The following ARHGAP29 variants were observed in gnomAD, a reference collection of about 807,000 sequenced individuals.
ARHGAP29 encodes rho GTPase-activating protein 29.
Under a neutral mutation model 122.6 loss-of-function variants are expected in ARHGAP29, and 43 were observed. The ratio of observed to expected loss-of-function variants is 0.35; its 90% CI spans 0.27 to 0.45. ARHGAP29 has a LOEUF of 0.45. Ranked by LOEUF, ARHGAP29 falls within the 20% of genes least tolerant of loss-of-function variation. The pLI is 1.00. For missense variants in ARHGAP29, 1,303 were observed against 1,477.2 expected (o/e 0.88, Z 1.93); for synonymous variants, 506 against 497.1 (o/e 1.02, Z -0.24).
At chr1:94,209,193 G>T in intron 4 of ARHGAP29, 61 bp downstream of exon 4, 2 of 1,201,328 alleles carry the variant, frequency 1.7e-6, no homozygotes, top group Non-Finnish European at 2.4e-6. Context: ...ACTGGATAAT[G>T]CAACATACTC....
At chr1:94,265,303 G>A (rs552985823) in intron 1 of ARHGAP29, among the ~76,000 whole-genome samples, 2 of 152,338 alleles carry the variant, frequency 1.3e-5, no homozygotes, top group East Asian at 1.9e-4. Context: ...CCTGTGAGCT[G>A]AATCTATAAG....
chr1:94,261,803 C>A (rs1251703805), intron 1 of ARHGAP29, among the ~76,000 whole-genome samples: 2 of 152,112 alleles, frequency 1.3e-5, no homozygotes, highest in Non-Finnish European at 2.9e-5. Context: ...TAAGAAGAAT[C>A]AAAATCATTA....
Position 94,178,023 on chromosome 1 carries a change from T to C in ARHGAP29, c.2625A>G (p.Val875=), listed in dbSNP as rs1325241884. The part of the protein sequence containing the change: ...LAEYSNQARL[V]EFLITYSQKI... ...TCTGTGAGTAAGTAATGAGAAACTC[T>C]ACCAAGCGTGCTTGATTTGAATACT... The change falls in exon 21 of 23, where the codon GTA becomes GTG. Residue 875 remains valine, a synonymous_variant. Transcript: ENST00000260526. The C allele has an allele frequency of 2.5e-6, 4 of 1,614,076 alleles. No individual in the cohort carries two copies. Among genetic ancestry groups the C allele is most frequent in the Non-Finnish European group, 2.5e-6 (3 of 1,180,030 alleles).
At chr1:94,272,996 T>G (rs141188766) in intron 1 of ARHGAP29, among the ~76,000 whole-genome samples, 1 of 152,324 alleles carries the variant, frequency 6.6e-6, no homozygotes, top group East Asian at 1.9e-4. Context: ...AAATCCAGAC[T>G]GTAGAGTAAC....
At position 94,169,705 on chromosome 1, in the gene ARHGAP29, T is replaced by C. The variant is rs919854976; in HGVS notation, c.*4164A>G. On this transcript the variant is annotated 3_prime_UTR_variant, in exon 23 of 23. Transcript: ENST00000260526. ...TCAGGTCTTCATTTCCATATACCAT[T>C]TCCCATTTAAAGAAACCAGGGCTCC... 1.3e-5 allele frequency among the ~76,000 whole-genome samples: 2 copies of C among 152,108 alleles called. No individual in the cohort carries two copies. Among genetic ancestry groups the C allele is most frequent in the Non-Finnish European group, 2.9e-5 (2 of 68,030 alleles).
intron 19 of ARHGAP29, among the ~76,000 whole-genome samples, chr1:94,180,888 G>T (rs1175597601): frequency 6.6e-5 from 10 of 152,246 alleles, no homozygotes; most frequent in Admixed American, 3.9e-4. Context: ...TGCCTGGCTA[G>T]AAGAAATAAA....
the ARHGAP29 span, among the ~76,000 whole-genome samples, chr1:94,312,836 T>C: frequency 6.6e-6 from 1 of 152,162 alleles, no homozygotes; most frequent in Non-Finnish European, 1.5e-5. Context: ...TCAATCTCCT[T>C]TGCTGGGTGC....
the ARHGAP29 span, among the ~76,000 whole-genome samples, chr1:94,282,270 T>C: frequency 6.8e-6 from 1 of 146,228 alleles, no homozygotes; most frequent in African/African-American, 2.7e-5. Context: ...TTTATTTATT[T>C]ATTTATTTAT....
the ARHGAP29 span, among the ~76,000 whole-genome samples, chr1:94,308,507 T>C: frequency 1.0e-3 from 159 of 152,334 alleles, no homozygotes; most frequent in African/African-American, 3.7e-3. Flanking sequence ...TAAAAACTAA[T>C]GTGTAAGGCC....
At chr1:94,177,159 T>C (rs531253620) in intron 22 of ARHGAP29, 1 of 152,908 alleles carries the variant, frequency 6.5e-6, no homozygotes, top group East Asian at 1.9e-4. Context: ...ATAGGTTAAA[T>C]GTAGGCCACA....
chr1:94,249,751 C>CA (rs112643845), intron 1 of ARHGAP29, among the ~76,000 whole-genome samples: 204 of 127,788 alleles, frequency 1.6e-3, no homozygotes, highest in Middle Eastern at 0.012. Flanking sequence ...AACTCCATCT[C>CA]AAAAAAAAAA....
chr1:94,201,917 A>C (rs1046227465), intron 11 of ARHGAP29, 60 bp from the exon 12 acceptor site: 4 of 1,404,908 alleles, frequency 2.8e-6, no homozygotes, highest in Non-Finnish European at 9.5e-7. Flanking sequence ...ACAAATATTT[A>C]CTATAGTAAA....
rs1648894621 is a variant in ARHGAP29 at position 94,173,716 on chromosome 1, T to TACC, written c.*150_*152dup. On this transcript the variant is annotated 3_prime_UTR_variant, in exon 23 of 23. Coordinates refer to ENST00000260526, the MANE Select transcript of ARHGAP29 (RefSeq NM_004815.4). ...ATCAAAACATTCTACCATTCAGTAT[T>TACC]ACCAACAGAGGATAAATACAACAAC... 2.3e-6 allele frequency: 2 copies of TACC among 863,332 alleles called. No individual in the cohort carries two copies. Among genetic ancestry groups the TACC allele is most frequent in the Non-Finnish European group, 3.5e-6 (2 of 565,748 alleles). The allele number at this position is 863,332 out of a possible 1,614,324, so 53.5% of individuals were successfully genotyped here.
chr1:94,192,495 T>C (rs1477848729), intron 12 of ARHGAP29: 1 of 152,118 alleles, frequency 6.6e-6, no homozygotes, highest in Non-Finnish European at 1.5e-5. Flanking sequence ...TGGTTTCTTT[T>C]GTATATTTAT....
intron 1 of ARHGAP29, among the ~76,000 whole-genome samples, chr1:94,253,288 AG>A (rs1207312795): frequency 6.6e-6 from 1 of 152,122 alleles, no homozygotes; most frequent in Non-Finnish European, 1.5e-5. Context: ...TTATTTTATA[AG>A]GAAATCCCAG....
intron 3 of ARHGAP29, among the ~76,000 whole-genome samples, chr1:94,213,547 G>A (rs1651784932): frequency 6.6e-6 from 1 of 152,286 alleles, no homozygotes; most frequent in East Asian, 1.9e-4. Flanking sequence ...AGTCAGTTCT[G>A]TTGAAAGGGG....
chr1:94,189,124 T>C (rs570527368), intron 14 of ARHGAP29, 92 bp downstream of exon 14: 1 of 1,485,332 alleles, frequency 6.7e-7, no homozygotes, highest in Non-Finnish European at 9.0e-7. Context: ...AAGGCCTGAT[T>C]TTTAAATTCC....
chr1:94,246,157 A>AT (rs1653786491), intron 1 of ARHGAP29, among the ~76,000 whole-genome samples: 2 of 152,230 alleles, frequency 1.3e-5, no homozygotes, highest in South Asian at 4.1e-4. Flanking sequence ...CAAGAACTGT[A>AT]TACATACTGT....
chr1:94,212,391 C>T (rs1031062442), intron 3 of ARHGAP29, among the ~76,000 whole-genome samples: 1 of 152,108 alleles, frequency 6.6e-6, no homozygotes, highest in African/African-American at 2.4e-5. Context: ...TCAGAATTTT[C>T]AAATTGCACC....
Sources: gnomAD v4.1 joint callset for allele counts (sites outside exome capture counted in the v4.1 genomes callset) on GRCh38, gnomAD v4.1.1 for gene constraint, MANE v1.5 for transcripts, NCBI Gene and HGNC (gene_info 2026-07-23, HGNC 2026-07-21) for gene names.